GRIA1: variants seen among roughly 807,000 people sequenced by gnomAD.
GRIA1 encodes glutamate receptor 1.
A neutral mutation model predicts 99.2 loss-of-function variants in GRIA1; 31 were observed. The observed-to-expected ratio is 0.31, with a 90% CI of 0.23 to 0.42. The LOEUF is 0.42. Among genes scored for constraint, GRIA1 ranks in the 10% least tolerant of loss-of-function variants. The pLI is 1.00. For missense variants in GRIA1, 782 were observed against 1,157.5 expected, an observed-to-expected ratio of 0.68 and a Z score of 4.71; for synonymous variants, 438 against 432.4, an observed-to-expected ratio of 1.01 and a Z score of -0.16.
chr5:153,522,593 A>G (rs1205917437), intron 2 of GRIA1, among the ~76,000 whole-genome samples: 1 of 152,126 alleles, frequency 6.6e-6, no homozygotes, highest in Non-Finnish European at 1.5e-5. Context: ...GGGGAGAGGC[A>G]TTGCTCCTCA....
At chr5:153,643,245 G>C (rs1054490823) in intron 2 of GRIA1, among the ~76,000 whole-genome samples, 12 of 152,142 alleles carry the variant, frequency 7.9e-5, no homozygotes, top group African/African-American at 2.9e-4. Flanking sequence ...AGTCTGAAAG[G>C]GCATTAAGCA....
intron 6 of GRIA1, among the ~76,000 whole-genome samples, chr5:153,676,463 G>A (rs906597336): frequency 5.2e-4 from 79 of 152,276 alleles, no homozygotes; most frequent in African/African-American, 1.9e-3. Context: ...TTACCACTTA[G>A]GTAAGCCATA....
intron 2 of GRIA1, among the ~76,000 whole-genome samples, chr5:153,582,594 C>A (rs1292461706): frequency 6.6e-6 from 1 of 152,130 alleles, no homozygotes; most frequent in East Asian, 1.9e-4. Context: ...GACAGCTCCT[C>A]TTTTTCTATT....
chr5:153,615,309 T>A (rs1766386954), intron 2 of GRIA1, among the ~76,000 whole-genome samples: 1 of 152,186 alleles, frequency 6.6e-6, no homozygotes, highest in South Asian at 2.1e-4. Flanking sequence ...CATGGAGAGC[T>A]CATAATCCAG....
chr5:153,527,514 T>G (rs549369520), intron 2 of GRIA1, among the ~76,000 whole-genome samples: 53 of 152,272 alleles, frequency 3.5e-4, no homozygotes, highest in Non-Finnish European at 6.5e-4. Flanking sequence ...ACTTTTGGTG[T>G]GTCTGTGAGT....
rs753815144 is a variant in GRIA1, at chr5:153,650,455, A to G, written c.586A>G (p.Lys196Glu). 1 of 1,614,018 alleles carries G rather than the reference A, an allele frequency of 6.2e-7. No homozygotes were observed. The highest frequency in any genetic ancestry group is 1.1e-5 in the South Asian group (1 of 91,074). ...RMLFQDLEKK[K>E]ERLVVVDCES... ...GCTCTTTCAGGACCTGGAGAAGAAA[A>G]AGGAGCGGCTGGTGGTGGTGGACTG... Residue 196 changes from lysine (K) to glutamate (E), a missense_variant, in exon 4 of 16, where the codon AAG becomes GAG. Around this residue, in one of 5 missense-constraint regions of GRIA1, gnomAD observed 461 missense variants for 521.7 expected, o/e 0.88. Coordinates refer to ENST00000285900, the MANE Select transcript of GRIA1 (RefSeq NM_000827.4).
intron 11 of GRIA1, among the ~76,000 whole-genome samples, chr5:153,750,096 T>C (rs1292333704): frequency 6.6e-6 from 1 of 152,120 alleles, no homozygotes; most frequent in Non-Finnish European, 1.5e-5. Context: ...GATTTGCAGC[T>C]GGTGACAAAT....
intron 2 of GRIA1, among the ~76,000 whole-genome samples, chr5:153,505,957 G>C (rs181740870): frequency 2.1e-4 from 32 of 152,310 alleles, no homozygotes; most frequent in African/African-American, 7.5e-4. Flanking sequence ...AGCCAAATGA[G>C]AGTAAATTCC....
intron 2 of GRIA1, among the ~76,000 whole-genome samples, chr5:153,554,785 C>T (rs1446243590): frequency 3.3e-5 from 5 of 152,190 alleles, no homozygotes; most frequent in African/African-American, 1.2e-4. Flanking sequence ...TGAGCCACTG[C>T]ACCTGGCCAG....
chr5:153,514,040 G>A (rs989460094), intron 2 of GRIA1, among the ~76,000 whole-genome samples: 1 of 152,092 alleles, frequency 6.6e-6, no homozygotes. Context: ...GGCTATGCTG[G>A]CCTAAAAAAC....
intron 2 of GRIA1, among the ~76,000 whole-genome samples, chr5:153,511,291 T>C (rs982211679): frequency 2.0e-5 from 3 of 152,194 alleles, no homozygotes; most frequent in Non-Finnish European, 4.4e-5. Context: ...GTTGGCTGAA[T>C]CATTGTATGT....
At chr5:153,538,444 G>GT (rs1274749477) in intron 2 of GRIA1, among the ~76,000 whole-genome samples, 3 of 152,160 alleles carry the variant, frequency 2.0e-5, no homozygotes, top group South Asian at 4.2e-4. Flanking sequence ...GTGGAGGGGT[G>GT]TTTTTTTAAT....
At chr5:153,571,828 C>T (rs947684100) in intron 2 of GRIA1, among the ~76,000 whole-genome samples, 2 of 152,030 alleles carry the variant, frequency 1.3e-5, no homozygotes, top group Non-Finnish European at 2.9e-5. Flanking sequence ...CATTATATTC[C>T]AAAGTTATAT....
In GRIA1 at chr5:153,705,686, T is replaced by TTTG. The variant is rs1360983314; in HGVS notation, c.1453-9_1453-8insGTT. 1.7e-6 allele frequency: 2 copies of TTTG among 1,196,180 alleles called. No individual in the cohort carries two copies. The highest frequency in any genetic ancestry group is 3.3e-5 in the African/African-American group (2 of 59,902). The allele number at this position is 1,196,180 out of a possible 1,614,324, so 74.1% of individuals were successfully genotyped here. ...CATTTTTTTTTTTTTTTTTTTTTTT[T>TTTG]TTTTTTTCAGAGAGCAGATGTGGCT... On this transcript the variant is annotated splice_polypyrimidine_tract_variant and intron_variant, in intron 10 of 15. Coordinates refer to ENST00000285900, the MANE Select transcript of GRIA1 (RefSeq NM_000827.4).
intron 11 of GRIA1, among the ~76,000 whole-genome samples, chr5:153,706,972 G>T (rs1170266483): frequency 9.2e-5 from 14 of 152,078 alleles, no homozygotes; most frequent in African/African-American, 3.4e-4. Flanking sequence ...TAATAAATTA[G>T]CTGGATGTGG....
intron 2 of GRIA1, among the ~76,000 whole-genome samples, chr5:153,521,991 G>T (rs1174042212): frequency 6.6e-6 from 1 of 152,058 alleles, no homozygotes; most frequent in Non-Finnish European, 1.5e-5. Context: ...TACTTTTTAG[G>T]CCCACCCTTC....
chr5:153,521,280 G>A (rs1351581133), intron 2 of GRIA1, among the ~76,000 whole-genome samples: 3 of 152,228 alleles, frequency 2.0e-5, no homozygotes, highest in Non-Finnish European at 4.4e-5. Context: ...AGGAAGAAGA[G>A]TTTATGCAGA....
At chr5:153,804,729 A>C (rs1374593858) in intron 15 of GRIA1, among the ~76,000 whole-genome samples, 1 of 35,888 alleles carries the variant, frequency 2.8e-5, no homozygotes, top group Non-Finnish European at 4.5e-5. Context: ...TAATTAATTA[A>C]TTAATTTATT....
At chr5:153,697,214 C>A (rs923455183) in intron 8 of GRIA1, among the ~76,000 whole-genome samples, 2 of 152,224 alleles carry the variant, frequency 1.3e-5, no homozygotes, top group Admixed American at 1.3e-4. Flanking sequence ...CTCTGAACTC[C>A]TTAGGCCCAC....
Sources: gnomAD v4.1 joint callset for allele counts (sites outside exome capture counted in the v4.1 genomes callset) on GRCh38, gnomAD v4.1.1 for gene constraint, gnomAD v4.1.1 regional missense constraint, MANE v1.5 for transcripts, NCBI Gene and HGNC (gene_info 2026-07-23, HGNC 2026-07-21) for gene names.